Variants in DAB1 observed in about 807,000 individuals in gnomAD.
DAB1 encodes the protein disabled homolog 1.
DAB1 carries 15 observed loss-of-function variants against 64.6 expected under a neutral mutation model. The ratio of observed to expected loss-of-function variants is 0.23; its 90% confidence interval spans 0.16 to 0.36. The LOEUF (loss-of-function observed/expected upper bound fraction) is 0.36, where lower values mean the gene tolerates loss of function less well. Among genes scored for constraint, DAB1 ranks in the 10% least tolerant of loss-of-function variants. The probability of loss-of-function intolerance (pLI) is 1.00; values close to 1 mark genes in which losing one functional copy is unlikely to be tolerated. For synonymous variants in DAB1, 235 were observed against 251.9 expected (o/e 0.93, Z 0.64); for missense variants, 596 against 706.7 (o/e 0.84, Z 1.78).
At chr1:58,250,405 C>T (rs1660755866) in intron 4 of DAB1, among the ~76,000 whole-genome samples, 1 of 152,174 alleles carries the variant, frequency 6.6e-6, no homozygotes, top group African/African-American at 2.4e-5. Flanking sequence ...AGAGGGGATG[C>T]TCACTCCTAG....
chr1:58,537,015 T>C (rs1646528929), intron 1 of DAB1, among the ~76,000 whole-genome samples: 2 of 152,132 alleles, frequency 1.3e-5, no homozygotes, highest in African/African-American at 4.8e-5. Flanking sequence ...GCTAGTTTAC[T>C]ATAACTACCA....
intron 6 of DAB1, among the ~76,000 whole-genome samples, chr1:57,777,774 A>T (rs1649882156): frequency 6.6e-6 from 1 of 151,756 alleles, no homozygotes; most frequent in Non-Finnish European, 1.5e-5. Flanking sequence ...TACTGACTTA[A>T]TTTTTTCTGA....
chr1:57,479,704 TAAATAGCTGGGG>T (rs1643986804), intron 7 of DAB1, among the ~76,000 whole-genome samples: 1 of 152,026 alleles, frequency 6.6e-6, no homozygotes, highest in Non-Finnish European at 1.5e-5. Flanking sequence ...CACAAAGACT[TAAATAGCTGGGG>T]GCTGGCACAA....
At chr1:57,172,582 G>T (rs1661886837) in intron 2 of DAB1, among the ~76,000 whole-genome samples, 1 of 152,150 alleles carries the variant, frequency 6.6e-6, no homozygotes, top group South Asian at 2.1e-4. Flanking sequence ...TCTGTTTTCT[G>T]GTGAGAGCCT....
chr1:58,268,650 T>C (rs1661233567), intron 4 of DAB1, among the ~76,000 whole-genome samples: 1 of 152,194 alleles, frequency 6.6e-6, no homozygotes, highest in African/African-American at 2.4e-5. Flanking sequence ...ATTTCCATGT[T>C]CATAGACTGG....
chr1:58,179,194 G>A (rs1176879871), intron 4 of DAB1, among the ~76,000 whole-genome samples: 1 of 151,742 alleles, frequency 6.6e-6, no homozygotes, highest in Non-Finnish European at 1.5e-5. Flanking sequence ...ACTTGATTGT[G>A]AAGTAGAATC....
At chr1:57,213,984 C>A (rs1463165356) in intron 2 of DAB1, among the ~76,000 whole-genome samples, 1 of 152,152 alleles carries the variant, frequency 6.6e-6, no homozygotes. Context: ...AGCAGGTATA[C>A]CAAAAGGTAA....
chr1:58,087,086 C>G (rs1650363007), intron 5 of DAB1, among the ~76,000 whole-genome samples: 1 of 152,140 alleles, frequency 6.6e-6, no homozygotes, highest in South Asian at 2.1e-4. Context: ...TTTCCTAAGT[C>G]TACATTTCCT....
intron 3 of DAB1, among the ~76,000 whole-genome samples, chr1:58,345,013 A>G (rs1013198739): frequency 3.3e-5 from 5 of 152,202 alleles, no homozygotes; most frequent in Admixed American, 1.3e-4. Flanking sequence ...TTGCTCATCA[A>G]TGAAGTGAAA....
intron 9 of DAB1, among the ~76,000 whole-genome samples, chr1:57,029,851 A>G (rs539494177): frequency 1.2e-4 from 19 of 152,284 alleles, no homozygotes; most frequent in African/African-American, 4.6e-4. Flanking sequence ...TTGATTTTAC[A>G]GATCATAGGC....
chr1:57,757,408 T>C (rs548693994), intron 6 of DAB1, among the ~76,000 whole-genome samples: 1 of 152,062 alleles, frequency 6.6e-6, no homozygotes, highest in African/African-American at 2.4e-5. Context: ...AGGCTAGAAA[T>C]CTGTCAGCAG....
chr1:57,274,076 G>A (rs1297346471), intron 2 of DAB1, among the ~76,000 whole-genome samples: 1 of 152,172 alleles, frequency 6.6e-6, no homozygotes, highest in East Asian at 1.9e-4. Context: ...TAATCCTTCA[G>A]CTTTGAAATG....
intron 3 of DAB1, among the ~76,000 whole-genome samples, chr1:58,346,385 G>A (rs757910914): frequency 6.6e-5 from 10 of 152,180 alleles, no homozygotes; most frequent in Non-Finnish European, 8.8e-5. Context: ...TCATAATATT[G>A]TGGAATCAGA....
At chr1:57,502,887 C>A (rs1300685579) in intron 7 of DAB1, among the ~76,000 whole-genome samples, 1 of 152,184 alleles carries the variant, frequency 6.6e-6, no homozygotes, top group African/African-American at 2.4e-5. Flanking sequence ...AAAAATAAAA[C>A]CCTGGAAATT....
At chr1:58,377,219 A>G (rs577640786) in intron 3 of DAB1, among the ~76,000 whole-genome samples, 1 of 150,244 alleles carries the variant, frequency 6.7e-6, no homozygotes, top group Non-Finnish European at 1.5e-5. Flanking sequence ...TGATCCTGTC[A>G]TTATGATGTT....
intron 2 of DAB1, among the ~76,000 whole-genome samples, chr1:57,285,122 C>T (rs1336833959): frequency 6.6e-6 from 1 of 152,084 alleles, no homozygotes; most frequent in Admixed American, 6.6e-5. Context: ...TTCACTATTT[C>T]CAGGTGTTTC....
chr1:57,988,920 C>T (rs926105156), intron 5 of DAB1, among the ~76,000 whole-genome samples: 22 of 152,194 alleles, frequency 1.4e-4, no homozygotes, highest in African/African-American at 5.3e-4. Context: ...CAGACCTCAA[C>T]AGCCTTAGTT....
chr1:57,198,889 AGT>A (rs542241409), intron 2 of DAB1, among the ~76,000 whole-genome samples: 18 of 152,242 alleles, frequency 1.2e-4, no homozygotes, highest in South Asian at 1.0e-3. Context: ...GAGTGTGTTG[AGT>A]GTGGAATAGG....
chr1:58,523,700 C>A (rs545188564), intron 2 of DAB1, among the ~76,000 whole-genome samples: 2 of 152,092 alleles, frequency 1.3e-5, no homozygotes, highest in Non-Finnish European at 2.9e-5. Flanking sequence ...GAGATCGAGA[C>A]CATCCTGGCT....
Sources: gnomAD v4.1 joint callset for allele counts (sites outside exome capture counted in the v4.1 genomes callset) on GRCh38, gnomAD v4.1.1 for gene constraint, MANE v1.5 for transcripts, NCBI Gene and HGNC (gene_info 2026-07-23, HGNC 2026-07-21) for gene names.